Variants in CDC42SE2 observed in about 807,000 individuals in gnomAD.
CDC42SE2 encodes the protein CDC42 small effector protein 2.
CDC42SE2 carries 3 observed loss-of-function variants against 11.5 expected under a neutral mutation model. The observed-to-expected ratio is 0.26, with a 90% CI of 0.12 to 0.67. The LOEUF (loss-of-function observed/expected upper bound fraction) is 0.67, where lower values mean the gene tolerates loss of function less well. CDC42SE2 is among the 30% of genes least tolerant of loss of function. The pLI is 0.80. For synonymous variants in CDC42SE2, 33 were observed against 34.8 expected, an observed-to-expected ratio of 0.95 and a Z score of 0.18; for missense variants, 82 against 106.8, an observed-to-expected ratio of 0.77 and a Z score of 1.02.
the CDC42SE2 span, among the ~76,000 whole-genome samples, chr5:131,220,787 C>T: frequency 6.6e-6 from 1 of 151,590 alleles, no homozygotes; most frequent in Admixed American, 6.6e-5. Context: ...GTAGAATGTG[C>T]GTGTGTCTAT....
intron 2 of CDC42SE2, among the ~76,000 whole-genome samples, chr5:131,356,150 G>C (rs1376242142): frequency 1.3e-5 from 2 of 152,136 alleles, no homozygotes; most frequent in Non-Finnish European, 2.9e-5. Context: ...AGACCAGTCT[G>C]ACCCCTTAGT....
At chr5:131,389,075 A>G (rs1750574239) in intron 4 of CDC42SE2, among the ~76,000 whole-genome samples, 1 of 152,120 alleles carries the variant, frequency 6.6e-6, no homozygotes, top group African/African-American at 2.4e-5. Flanking sequence ...GGCTCAAGTT[A>G]TCTGCCTACT....
At chr5:131,317,719 A>G (rs568655823) in intron 2 of CDC42SE2, among the ~76,000 whole-genome samples, 1 of 151,788 alleles carries the variant, frequency 6.6e-6, no homozygotes, top group African/African-American at 2.4e-5. Flanking sequence ...TGGAATGAGA[A>G]CCTCTTTTTC....
At position 131,357,351 on chromosome 5, in the gene CDC42SE2, G is replaced by A. The variant is rs112452609; in HGVS notation, c.-285-1858G>A. On this transcript the variant is annotated intron_variant, in intron 2 of 4. Transcript: ENST00000505065. ...TGTAGAATCAGGGTCCTGAATTCAT[G>A]CCTTGTTATACTACCCAGATTTGTG... Among the ~76,000 whole-genome samples the A allele has an allele frequency of 3.2e-3, 492 of 152,328 alleles. 1 individual carries two copies. The highest frequency in any genetic ancestry group is 0.011 in the African/African-American group (467 of 41,562).
intron 4 of CDC42SE2, among the ~76,000 whole-genome samples, chr5:131,386,542 T>G (rs1183659395): frequency 6.6e-6 from 1 of 152,218 alleles, no homozygotes; most frequent in Non-Finnish European, 1.5e-5. Context: ...AAATAAGATT[T>G]ATTCGCTGTC....
At chr5:131,312,528 C>A (rs1238974007) in intron 1 of CDC42SE2, among the ~76,000 whole-genome samples, 1 of 152,146 alleles carries the variant, frequency 6.6e-6, no homozygotes, top group Non-Finnish European at 1.5e-5. Flanking sequence ...GGTGGGTGCC[C>A]CTCCCCCAGC....
chr5:131,323,547 GTTTTTTTTTTTTTTT>G lies in CDC42SE2; in HGVS notation c.-286+7415_-286+7429del, dbSNP rs1171213231. 4.2e-3 allele frequency among the ~76,000 whole-genome samples: 350 copies of G among 82,604 alleles called. 4 individuals carry two copies. The highest frequency in any genetic ancestry group is 0.016 in the African/African-American group (318 of 19,568). The allele number at this position is 82,604 out of a possible 152,430, so 54.2% of individuals were successfully genotyped here. A position where few individuals can be genotyped will look rare whatever the true frequency, so the allele number is the denominator to read the frequency against. On this transcript the variant is annotated intron_variant, in intron 2 of 4. Transcript: ENST00000505065. ...AAGGGATTGTACCTCTCTCTCTCTG[GTTTTTTTTTTTTTTT>G]TTTTTTTTTTTGTATTTAAATGTGA... is the stretch of plus-strand genomic sequence containing the variant.
chr5:131,308,001 CT>C (rs1757815851), intron 1 of CDC42SE2, among the ~76,000 whole-genome samples: 1 of 152,158 alleles, frequency 6.6e-6, no homozygotes. Flanking sequence ...CGAAAATTTT[CT>C]CCCATTGTGT....
intron 1 of CDC42SE2, among the ~76,000 whole-genome samples, chr5:131,299,625 C>T (rs948247968): frequency 6.6e-6 from 1 of 152,164 alleles, no homozygotes; most frequent in African/African-American, 2.4e-5. Context: ...TCCTGTGGAG[C>T]TGCACTACAT....
At chr5:131,378,480 A>G in intron 3 of CDC42SE2, among the ~76,000 whole-genome samples, 1 of 152,214 alleles carries the variant, frequency 6.6e-6, no homozygotes, top group East Asian at 1.9e-4. Context: ...TCAATATTTC[A>G]AAAAACTAAT....
chr5:131,264,812 G>T (rs1442902745), intron 1 of CDC42SE2, among the ~76,000 whole-genome samples: 1 of 152,200 alleles, frequency 6.6e-6, no homozygotes, highest in Non-Finnish European at 1.5e-5. Flanking sequence ...CCTTGATGCC[G>T]CATTAACAGC....
chr5:131,220,947 C>T, the CDC42SE2 span, among the ~76,000 whole-genome samples: 30 of 148,608 alleles, frequency 2.0e-4, no homozygotes, highest in Admixed American at 3.4e-4. Flanking sequence ...TGCGGTGGCG[C>T]GATCTTGGCT....
At chr5:131,331,974 T>A (rs1414713711) in intron 2 of CDC42SE2, among the ~76,000 whole-genome samples, 1 of 152,218 alleles carries the variant, frequency 6.6e-6, no homozygotes, top group East Asian at 1.9e-4. Flanking sequence ...TTATTTATTT[T>A]TTATTGTTAT....
rs1445510032 is a variant in CDC42SE2 at position 131,363,572 on chromosome 5, T to C, written c.54+4025T>C. On this transcript the variant is annotated intron_variant, in intron 3 of 4. Coordinates refer to ENST00000505065, the MANE Select transcript of CDC42SE2 (RefSeq NM_001375635.1). Reference sequence around the variant, plus strand: ...TTGTAGTTTCAGTAGAGATGGGGTTTCTCCATGTTAGCCAGGCTGGTCTCG... The same window carrying C: ...TTGTAGTTTCAGTAGAGATGGGGTTCCTCCATGTTAGCCAGGCTGGTCTCG... Among the ~76,000 whole-genome samples the C allele has an allele frequency of 7.2e-5, 11 of 151,874 alleles. No individual in the cohort carries two copies. The East Asian group carries it at 2.1e-3, about 29-fold the overall frequency.
At chr5:131,343,656 T>A (rs1032247444) in intron 2 of CDC42SE2, among the ~76,000 whole-genome samples, 1 of 149,926 alleles carries the variant, frequency 6.7e-6, no homozygotes, top group Non-Finnish European at 1.5e-5. Context: ...GAGGTTGTGG[T>A]GAGCTGAGAT....
intron 1 of CDC42SE2, among the ~76,000 whole-genome samples, chr5:131,296,094 CACTT>C (rs1757567248): frequency 6.6e-6 from 1 of 152,134 alleles, no homozygotes. Context: ...AAAACAGACA[CACTT>C]TTATTAAACT....
chr5:131,339,630 A>G (rs566595762), intron 2 of CDC42SE2, among the ~76,000 whole-genome samples: 7 of 152,138 alleles, frequency 4.6e-5, no homozygotes, highest in African/African-American at 1.7e-4. Context: ...AACATAGTGG[A>G]ACCCCATCTC....
At chr5:131,389,379 C>G (rs970513537) in intron 4 of CDC42SE2, among the ~76,000 whole-genome samples, 1 of 152,138 alleles carries the variant, frequency 6.6e-6, no homozygotes, top group African/African-American at 2.4e-5. Context: ...TACACTCTTA[C>G]CTGAAGGTAG....
At chr5:131,274,756 A>G (rs962994903) in intron 1 of CDC42SE2, among the ~76,000 whole-genome samples, 16 of 152,194 alleles carry the variant, frequency 1.1e-4, no homozygotes, top group Admixed American at 2.0e-4. Context: ...CTGGCCACAT[A>G]TAGACCTCCC....
Sources: allele counts gnomAD v4.1 joint callset (sites outside exome capture counted in the v4.1 genomes callset), GRCh38; gene constraint gnomAD v4.1.1; transcripts MANE v1.5; gene names NCBI Gene and HGNC (gene_info 2026-07-23, HGNC 2026-07-21).